The following AP2A2 variants were observed in gnomAD, a reference collection of about 807,000 sequenced individuals.
AP2A2 encodes the protein AP-2 complex subunit alpha-2.
A neutral mutation model predicts 104.2 loss-of-function variants in AP2A2; 32 were observed. The observed-to-expected ratio is 0.31, with a 90% CI of 0.23 to 0.41. The LOEUF (loss-of-function observed/expected upper bound fraction) is 0.41, where lower values mean the gene tolerates loss of function less well. Among genes scored for constraint, AP2A2 ranks in the 10% least tolerant of loss-of-function variants. The pLI is 1.00. For missense variants in AP2A2, 912 were observed against 1,261.0 expected, an observed-to-expected ratio of 0.72 and a Z score of 4.19; for synonymous variants, 539 against 533.3, an observed-to-expected ratio of 1.01 and a Z score of -0.15.
chr11:946,050 AG>A (rs2134502381), intron 1 of AP2A2, among the ~76,000 whole-genome samples: 1 of 152,330 alleles, frequency 6.6e-6, no homozygotes, highest in African/African-American at 2.4e-5. Context: ...GGAATGGTGG[AG>A]TGAGGCCTCT....
At chr11:1,004,701 A>C (rs2133781003) in intron 16 of AP2A2, among the ~76,000 whole-genome samples, 1 of 151,152 alleles carries the variant, frequency 6.6e-6, no homozygotes, top group African/African-American at 2.4e-5. Context: ...GCTTGAGCCC[A>C]GGTGTTTGAG....
intron 4 of AP2A2, among the ~76,000 whole-genome samples, chr11:976,684 TGGTGGGGTGAG>T (rs1308120055): frequency 6.8e-6 from 1 of 147,862 alleles, no homozygotes; most frequent in African/African-American, 2.5e-5. Flanking sequence ...GGGTGGGGCG[TGGTGGGGTGAG>T]GGTGGGCGTG....
In AP2A2 at chr11:930,939, G is replaced by T. The variant is rs537577176; in HGVS notation, c.67+4851G>T. On this transcript the variant is annotated intron_variant, in intron 1 of 21. Transcript: ENST00000448903. ...TTTCGTTAGATCGACATGCACGTGT[G>T]TGTGTGTGGTTCTATGCAGTTTAGC... 9.2e-5 allele frequency among the ~76,000 whole-genome samples: 14 copies of T among 152,328 alleles called. No homozygotes were observed. In the South Asian group the frequency reaches 2.9e-3, roughly 32 times the overall value.
At chr11:975,876 G>C (rs2134646444) in intron 4 of AP2A2, among the ~76,000 whole-genome samples, 1 of 152,276 alleles carries the variant, frequency 6.6e-6, no homozygotes, top group Admixed American at 6.5e-5. Flanking sequence ...TAGTGGTGGG[G>C]CCCCCGTCCC....
At chr11:996,408 C>T (rs1423014162) in intron 14 of AP2A2, among the ~76,000 whole-genome samples, 3 of 152,224 alleles carry the variant, frequency 2.0e-5, no homozygotes, top group African/African-American at 4.8e-5. Context: ...AAGAGGAACT[C>T]GCTGAGGGAG....
chr11:993,457 AC>A lies in AP2A2; in HGVS notation c.1550+78del. 8.3e-7 allele frequency: 1 copy of A among 1,206,308 alleles called. No homozygotes were observed. Among genetic ancestry groups the A allele is most frequent in the Non-Finnish European group, 1.1e-6 (1 of 888,098 alleles). The allele number at this position is 1,206,308 out of a possible 1,614,324, so 74.7% of individuals were successfully genotyped here. ...GGTGGTCGGTGGCAAGAGGCGAGGC[AC>A]CAGCTGGCCCTGCCGTGAGGCCTCG... On this transcript the variant is annotated intron_variant, in intron 12 of 21. Transcript: ENST00000448903. The surrounding 1 kb of genome is among the most constrained non-coding windows in gnomAD (Gnocchi z 8.2).
At chr11:959,172 C>T (rs528154517) in intron 1 of AP2A2, among the ~76,000 whole-genome samples, 18 of 152,334 alleles carry the variant, frequency 1.2e-4, no homozygotes, top group African/African-American at 4.1e-4. Context: ...GGGTGCGCAG[C>T]GGCTGGCCCG....
intron 4 of AP2A2, among the ~76,000 whole-genome samples, chr11:975,527 C>A (rs1367429816): frequency 6.8e-6 from 1 of 146,852 alleles, no homozygotes; most frequent in African/African-American, 2.6e-5. Flanking sequence ...TACGAGCCGA[C>A]ATTAGTGAGT....
At chr11:990,973 G>T (rs1246417670) in intron 10 of AP2A2, among the ~76,000 whole-genome samples, 1 of 147,342 alleles carries the variant, frequency 6.8e-6, no homozygotes, top group Non-Finnish European at 1.5e-5. Flanking sequence ...TTTCAGTCGG[G>T]TATGGTGCTC....
chr11:978,565 G>A (rs772912049), intron 5 of AP2A2, among the ~76,000 whole-genome samples: 8 of 152,134 alleles, frequency 5.3e-5, no homozygotes, highest in Non-Finnish European at 1.0e-4. Flanking sequence ...CTGAAGGGAC[G>A]CCACAGCCAA....
chr11:969,993 G>A (rs1242770828), intron 2 of AP2A2, among the ~76,000 whole-genome samples, 176 bp from the exon 3 acceptor site: 1 of 152,130 alleles, frequency 6.6e-6, no homozygotes, highest in Non-Finnish European at 1.5e-5. Context: ...AGTACCATGA[G>A]TTTAGAAAGG....
chr11:926,678 C>T (rs757809976), intron 1 of AP2A2, among the ~76,000 whole-genome samples: 2 of 152,196 alleles, frequency 1.3e-5, no homozygotes, highest in African/African-American at 2.4e-5. Context: ...GGCTTATTAA[C>T]CCCTGATTAG....
At chr11:991,070 G>T (rs1318207284) in intron 10 of AP2A2, among the ~76,000 whole-genome samples, 1 of 151,308 alleles carries the variant, frequency 6.6e-6, no homozygotes, top group African/African-American at 2.4e-5. Flanking sequence ...TTTCAGCCGG[G>T]TATGGTGCTC....
At chr11:928,765 G>C (rs973992988) in intron 1 of AP2A2, among the ~76,000 whole-genome samples, 11 of 152,232 alleles carry the variant, frequency 7.2e-5, no homozygotes, top group Non-Finnish European at 1.5e-4. Context: ...GGGGGAGCCA[G>C]GTCTCTTTAA....
intron 1 of AP2A2, among the ~76,000 whole-genome samples, chr11:929,423 T>C (rs1157868706): frequency 1.3e-5 from 2 of 152,174 alleles, no homozygotes; most frequent in African/African-American, 4.8e-5. Context: ...GTTGAAGGGC[T>C]GGATTTTCAG....
Position 1,011,396 on chromosome 11 carries a change from T to A in AP2A2, c.*771T>A. The A allele has an allele frequency of 1.9e-6, 1 of 514,860 alleles. No individual in the cohort carries two copies. Among genetic ancestry groups the A allele is most frequent in the South Asian group, 1.4e-5 (1 of 71,154 alleles). 31.9% of individuals were successfully genotyped at this position (514,860 alleles called of 1,614,324 possible). On this transcript the variant is annotated 3_prime_UTR_variant, in exon 22 of 22. Coordinates refer to ENST00000448903, the MANE Select transcript of AP2A2 (RefSeq NM_012305.4). ...CGCAAGACTCAGAGGTGTGCTCGTC[T>A]CTTTCCTGTCAGAGTGGGCGTCCCC...
chr11:935,299 C>T (rs377231355), intron 1 of AP2A2, among the ~76,000 whole-genome samples: 5 of 152,198 alleles, frequency 3.3e-5, no homozygotes, highest in East Asian at 1.9e-4. Context: ...CCTTGTGATC[C>T]GCTAGCCTCG....
rs990645024 is a variant in AP2A2 at position 968,749 on chromosome 11, G to A, written c.137-1420G>A. On this transcript the variant is annotated intron_variant, in intron 2 of 21. Coordinates refer to ENST00000448903, the MANE Select transcript of AP2A2 (RefSeq NM_012305.4). The surrounding 1 kb of genome is among the most constrained non-coding windows in gnomAD (Gnocchi z 4.2). ...CAGGGCACGGAGAACGTGTCTGCTG[G>A]GACCCCTTGGGCACAGCAAGCAGAT... Among the ~76,000 whole-genome samples the A allele has an allele frequency of 6.6e-6, 1 of 151,664 alleles. No homozygotes were observed. The highest frequency in any genetic ancestry group is 1.5e-5 in the Non-Finnish European group (1 of 67,850).
intron 3 of AP2A2, 25 bp downstream of exon 3, chr11:970,336 G>A (rs371249276): frequency 4.8e-5 from 77 of 1,608,686 alleles, no homozygotes; most frequent in Non-Finnish European, 6.1e-5. Context: ...AGGTGGAGAC[G>A]GCAGAGGATG....
Sources: gnomAD v4.1 joint callset for allele counts (sites outside exome capture counted in the v4.1 genomes callset) on GRCh38, gnomAD v4.1.1 for gene constraint, Gnocchi (gnomAD v3.1) non-coding constraint, MANE v1.5 for transcripts, NCBI Gene and HGNC (gene_info 2026-07-23, HGNC 2026-07-21) for gene names.